Variants in DGAT2L6 observed in about 807,000 individuals in gnomAD.
DGAT2L6 encodes the protein diacylglycerol O-acyltransferase 2 like 6, also known as diacylglycerol O-acyltransferase 2-like protein 6.
In DGAT2L6, 22 loss-of-function variants were observed where a neutral mutation model predicts 25.5. That is an observed-to-expected ratio of 0.86 (90% CI 0.62 to 1.23). The LOEUF (loss-of-function observed/expected upper bound fraction) is 1.23. DGAT2L6 is among the 50% of genes most tolerant of loss of function. The probability of loss-of-function intolerance (pLI) is 0.00; values close to 1 mark genes in which losing one functional copy is unlikely to be tolerated. For synonymous variants in DGAT2L6, 100 were observed against 94.7 expected (o/e 1.06, Z -0.32); for missense variants, 287 against 253.2 (o/e 1.13, Z -0.91).
At chrX:70,181,565 T>A (rs1265470801) in intron 1 of DGAT2L6, among the ~76,000 whole-genome samples, 1 of 111,718 alleles carries the variant, frequency 9.0e-6, no homozygotes, top group Non-Finnish European at 1.9e-5. Context: ...AGTTATAGAT[T>A]AAATACTAAT....
chrX:70,192,372 A>ATAAC (rs1340576970), intron 1 of DGAT2L6, among the ~76,000 whole-genome samples: 16 of 112,785 alleles, frequency 1.4e-4, no homozygotes, highest in African/African-American at 4.8e-4. Flanking sequence ...AGGATACTAA[A>ATAAC]TAACAACATT....
rs1031325746 is a variant in DGAT2L6, at chrX:70,199,217, G to A, written c.86-54G>A. 5.0e-5 allele frequency: 42 copies of A among 833,137 alleles called. No homozygotes were observed. In the African/African-American group the frequency reaches 7.5e-4, roughly 15 times the overall value. 68.7% of individuals were successfully genotyped at this position (833,137 alleles called of 1,213,427 possible). On this transcript the variant is annotated intron_variant, in intron 1 of 6. Transcript: ENST00000333026. ...AGAGCAGAGGCCGGGGTTATGAGAA[G>A]TATACTAAAACTTGAAGGGAACTGA...
chrX:70,184,719 G>A (rs1416235077), intron 1 of DGAT2L6, among the ~76,000 whole-genome samples: 1 of 110,497 alleles, frequency 9.1e-6, no homozygotes, highest in Non-Finnish European at 1.9e-5. Flanking sequence ...TCCTGCCCTG[G>A]CCTCCCAAAA....
At chrX:70,200,035 T>A (rs1289712055) in intron 3 of DGAT2L6, among the ~76,000 whole-genome samples, 153 bp downstream of exon 3, 2 of 110,857 alleles carry the variant, frequency 1.8e-5, no homozygotes, top group Non-Finnish European at 3.8e-5. Flanking sequence ...GATGGGCAGG[T>A]GGGGAAACAG....
At chrX:70,184,408 C>T (rs1163135984) in intron 1 of DGAT2L6, among the ~76,000 whole-genome samples, 1 of 110,793 alleles carries the variant, frequency 9.0e-6, no homozygotes, top group African/African-American at 3.3e-5. Flanking sequence ...ATTACATCTT[C>T]AGGAAGAATA....
At chrX:70,184,202 A>G (rs1274850541) in intron 1 of DGAT2L6, among the ~76,000 whole-genome samples, 1 of 111,117 alleles carries the variant, frequency 9.0e-6, no homozygotes, top group East Asian at 2.8e-4. Context: ...CTGCCTCTCA[A>G]GACTGTTCCA....
chrX:70,203,003 G>A (rs918691502), intron 5 of DGAT2L6, among the ~76,000 whole-genome samples: 4 of 111,658 alleles, frequency 3.6e-5, no homozygotes, highest in South Asian at 3.7e-4. Context: ...CAGGCCACCC[G>A]CTCCTGCTTT....
intron 1 of DGAT2L6, among the ~76,000 whole-genome samples, chrX:70,197,237 G>C (rs1348509436): frequency 8.9e-6 from 1 of 111,842 alleles, no homozygotes; most frequent in Non-Finnish European, 1.9e-5. Flanking sequence ...TTATGTCACG[G>C]AACTCTTTTT....
intron 1 of DGAT2L6, among the ~76,000 whole-genome samples, chrX:70,191,024 C>G (rs901589912): frequency 8.9e-6 from 1 of 112,200 alleles, no homozygotes; most frequent in Non-Finnish European, 1.9e-5. Flanking sequence ...TAGCAGAAGC[C>G]CCCCCATAAA....
intron 1 of DGAT2L6, among the ~76,000 whole-genome samples, chrX:70,189,163 G>A (rs1231643244): frequency 9.1e-5 from 10 of 110,135 alleles, no homozygotes; most frequent in Non-Finnish European, 1.3e-4. Context: ...CATACAGATC[G>A]GAAAAAAAGA....
chrX:70,205,026 A>G lies in DGAT2L6; in HGVS notation c.934A>G (p.Ile312Val), dbSNP rs1326735244. ...AGTAGACAAGTATCACGCACTCTACATCAGTGCCCTGCGCAAGCTCTTTGA... is the reference window on the plus strand; with the variant it reads ...AGTAGACAAGTATCACGCACTCTACGTCAGTGCCCTGCGCAAGCTCTTTGA... ...KTVDKYHALY[I>V]SALRKLFDQH... is the part of the protein sequence containing the mutation. The change falls in exon 7 of 7, where the codon ATC becomes GTC. Residue 312 changes from isoleucine to valine, a missense_variant. Coordinates refer to ENST00000333026, the MANE Select transcript of DGAT2L6 (RefSeq NM_198512.3). 1.7e-6 allele frequency: 2 copies of G among 1,207,796 alleles called. No homozygotes were observed. Among genetic ancestry groups the G allele is most frequent in the East Asian group, 3.0e-5 (1 of 33,704 alleles).
At position 70,200,314 on chromosome X, in the gene DGAT2L6, T is replaced by C; in HGVS notation, c.327T>C (p.His109=). Residue 109 remains histidine (H), a synonymous_variant, in exon 4 of 7, where the codon CAT becomes CAC. Transcript: ENST00000333026. ...KHNYIIANHP[H]GILSFGVFIN... is the part of the protein sequence containing the mutation. The stretch of plus-strand genomic sequence containing the variant: ...ACTACATCATTGCCAATCACCCCCA[T>C]GGCATTCTCTCTTTTGGTGTCTTCA... 1.7e-6 allele frequency: 2 copies of C among 1,211,571 alleles called. No homozygotes were observed. Among genetic ancestry groups the C allele is most frequent in the Non-Finnish European group, 1.1e-6 (1 of 895,378 alleles).
At chrX:70,202,121 C>G (rs1282678223) in intron 5 of DGAT2L6, 57 bp downstream of exon 5, 1 of 1,044,853 alleles carries the variant, frequency 9.6e-7, no homozygotes. Context: ...CTCTGTAGCC[C>G]TCTCCAGAAT....
At position 70,177,576 on chromosome X, in the gene DGAT2L6, C is replaced by A. The variant is rs374597228; in HGVS notation, c.-7C>A. 7 of 1,207,984 alleles carry A rather than the reference C, an allele frequency of 5.8e-6. No individual in the cohort carries two copies. Among genetic ancestry groups the A allele is most frequent in the African/African-American group, 1.7e-5 (1 of 57,228 alleles). Reference sequence around the variant, plus strand: ...GCTTCTTGCCACAACAGAACAGCACCATAACCATGGCTTTCTTCTCCCGAC... The same window carrying A: ...GCTTCTTGCCACAACAGAACAGCACAATAACCATGGCTTTCTTCTCCCGAC... On this transcript the variant is annotated 5_prime_UTR_variant, in exon 1 of 7. Transcript: ENST00000333026.
chrX:70,205,035 C>T lies in DGAT2L6; in HGVS notation c.943C>T (p.Leu315=), dbSNP rs779040163. ...DKYHALYISA[L]RKLFDQHKVE... ...GTATCACGCACTCTACATCAGTGCC[C>T]TGCGCAAGCTCTTTGACCAACACAA... Residue 315 remains leucine (L), a synonymous_variant, in exon 7 of 7, where the codon CTG becomes TTG. Coordinates refer to ENST00000333026, the MANE Select transcript of DGAT2L6 (RefSeq NM_198512.3). The T allele has an allele frequency of 2.4e-4, 285 of 1,204,992 alleles. 2 individuals carry two copies. In the South Asian group the frequency reaches 4.8e-3, roughly 20 times the overall value.
At chrX:70,195,962 A>G (rs1169037864) in intron 1 of DGAT2L6, among the ~76,000 whole-genome samples, 1 of 111,338 alleles carries the variant, frequency 9.0e-6, no homozygotes, top group Non-Finnish European at 1.9e-5. Context: ...TCTAGCCACA[A>G]ACACACACAA....
At chrX:70,184,224 G>A (rs1000979029) in intron 1 of DGAT2L6, among the ~76,000 whole-genome samples, 2 of 110,240 alleles carry the variant, frequency 1.8e-5, no homozygotes, top group Non-Finnish European at 3.8e-5. Context: ...AGATCTTTGA[G>A]GTGAGAAAAT....
At chrX:70,203,254 C>T (rs1303895672) in intron 5 of DGAT2L6, among the ~76,000 whole-genome samples, 2 of 112,294 alleles carry the variant, frequency 1.8e-5, no homozygotes, top group South Asian at 3.7e-4. Flanking sequence ...GTAAACTCCA[C>T]GAACACAGAA....
intron 1 of DGAT2L6, among the ~76,000 whole-genome samples, chrX:70,178,490 TGCAAACG>T (rs1445180669): frequency 9.0e-6 from 1 of 110,793 alleles, no homozygotes; most frequent in Non-Finnish European, 1.9e-5. Context: ...CAGGCTGGAG[TGCAAACG>T]GCAAACGGGC....
Sources: gnomAD v4.1 joint callset for allele counts (sites outside exome capture counted in the v4.1 genomes callset) on GRCh38, gnomAD v4.1.1 for gene constraint, MANE v1.5 for transcripts, NCBI Gene and HGNC (gene_info 2026-07-23, HGNC 2026-07-21) for gene names.